The following F13A1 variants were observed in gnomAD, a reference collection of about 807,000 sequenced individuals.
F13A1 encodes the protein FSF, A subunit.
A neutral mutation model predicts 80.1 loss-of-function variants in F13A1; 47 were observed. The ratio of observed to expected loss-of-function variants is 0.59; its 90% CI spans 0.46 to 0.75. F13A1 has a LOEUF of 0.75. F13A1 is among the 30% of genes least tolerant of loss of function. The pLI is 0.00. For missense variants in F13A1, 817 were observed against 930.4 expected (o/e 0.88, Z 1.59); for synonymous variants, 349 against 344.9 (o/e 1.01, Z -0.13).
Position 6,151,971 on chromosome 6 carries a change from A to C in F13A1, c.1909-22T>G, listed in dbSNP as rs751792024. ...GGACCTAAGAGAGAGAATGCAGGTC[A>C]TTAGCACCAAATAAAACCTCGTTCT... On this transcript the variant is annotated intron_variant, in intron 13 of 14. Transcript: ENST00000264870. 2.6e-5 allele frequency: 42 copies of C among 1,613,576 alleles called. No homozygotes were observed. The South Asian group carries it at 4.5e-4, about 17-fold the overall frequency.
At chr6:6,283,496 G>A (rs895638127) in intron 3 of F13A1, among the ~76,000 whole-genome samples, 32 of 152,136 alleles carry the variant, frequency 2.1e-4, no homozygotes, top group African/African-American at 6.0e-4. Context: ...CAGGGATGAC[G>A]AGACATCAGA....
At chr6:6,173,650 C>T (rs1282462479) in intron 12 of F13A1, among the ~76,000 whole-genome samples, 8 of 152,232 alleles carry the variant, frequency 5.3e-5, no homozygotes, top group African/African-American at 1.4e-4. Flanking sequence ...TCAGGTGATC[C>T]GCTAACCTCA....
chr6:6,212,130 T>A (rs927790255), intron 8 of F13A1, among the ~76,000 whole-genome samples: 6 of 152,330 alleles, frequency 3.9e-5, no homozygotes, highest in South Asian at 2.1e-4. Flanking sequence ...CCAGGTTTGC[T>A]TAGGTAAACA....
intron 10 of F13A1, among the ~76,000 whole-genome samples, chr6:6,185,072 T>C (rs1365984159): frequency 6.6e-6 from 1 of 151,902 alleles, no homozygotes; most frequent in African/African-American, 2.4e-5. Context: ...TCAGAGTGTA[T>C]GGCAAGGATT....
intron 13 of F13A1, among the ~76,000 whole-genome samples, chr6:6,158,669 A>C (rs895168973): frequency 2.0e-5 from 3 of 152,166 alleles, no homozygotes; most frequent in Non-Finnish European, 4.4e-5. Flanking sequence ...GGAGCCACAG[A>C]GAGTGCAGGA....
intron 13 of F13A1, among the ~76,000 whole-genome samples, chr6:6,152,953 G>A (rs1374262826): frequency 2.6e-5 from 4 of 152,184 alleles, no homozygotes; most frequent in Admixed American, 2.6e-4. Context: ...AATGAAAAAT[G>A]CTCATAAAAC....
chr6:6,161,728 A>G lies in F13A1; in HGVS notation c.1908+5730T>C, dbSNP rs1760580061. On this transcript the variant is annotated intron_variant, in intron 13 of 14. Coordinates refer to ENST00000264870, the MANE Select transcript of F13A1 (RefSeq NM_000129.4). ...GTCTCTCTCTGCCTGTTTCCATGTGAGGATCACACACTCTGACTCACACAT... is the reference window on the plus strand; with the variant it reads ...GTCTCTCTCTGCCTGTTTCCATGTGGGGATCACACACTCTGACTCACACAT... Among the ~76,000 whole-genome samples the G allele has an allele frequency of 2.0e-5, 3 of 152,226 alleles. No individual in the cohort carries two copies. The South Asian group carries it at 6.2e-4, about 32-fold the overall frequency.
In F13A1 at chr6:6,174,781, T is replaced by C. The variant is rs776332995; in HGVS notation, c.1546A>G (p.Arg516Gly). Residue 516 changes from arginine (R) to glycine (G), a missense_variant, in exon 12 of 15, where the codon AGG becomes GGG. Arg to Gly is a moderately radical substitution (Grantham distance 125, BLOSUM62 -2). Transcript: ENST00000264870. The stretch of plus-strand genomic sequence containing the variant: ...TCAAAGTCCATGTCAACGTTGGACC[T>C]TGATTTCATGACACCTTCTGTGTTG... ...PLNTEGVMKS[R>G]SNVDMDFEVE... 2 of 1,614,206 alleles carry C rather than the reference T, an allele frequency of 1.2e-6. No individual in the cohort carries two copies. Among genetic ancestry groups the C allele is most frequent in the Admixed American group, 3.3e-5 (2 of 60,030 alleles).
At chr6:6,238,743 A>G (rs1374581639) in intron 6 of F13A1, among the ~76,000 whole-genome samples, 1 of 137,322 alleles carries the variant, frequency 7.3e-6, no homozygotes, top group Non-Finnish European at 1.5e-5. Flanking sequence ...TAGCCAATAA[A>G]TGTATTAAAA....
chr6:6,269,123 G>A (rs895275938), intron 3 of F13A1, among the ~76,000 whole-genome samples: 10 of 152,112 alleles, frequency 6.6e-5, no homozygotes, highest in African/African-American at 9.7e-5. Context: ...CGTTACTTGT[G>A]TTGATTGAGA....
chr6:6,318,061 G>C (rs1758710095), intron 2 of F13A1, among the ~76,000 whole-genome samples: 2 of 152,200 alleles, frequency 1.3e-5, no homozygotes, highest in South Asian at 4.1e-4. Flanking sequence ...ATTACTGTCA[G>C]AGTCTGGCAC....
intron 10 of F13A1, among the ~76,000 whole-genome samples, chr6:6,186,322 C>T (rs1268795183): frequency 4.6e-5 from 7 of 152,000 alleles, no homozygotes; most frequent in Non-Finnish European, 7.4e-5. Flanking sequence ...AATGGTAATG[C>T]CTAGGTTTTC....
chr6:6,230,952 C>A (rs1186715268), intron 6 of F13A1, among the ~76,000 whole-genome samples: 1 of 152,180 alleles, frequency 6.6e-6, no homozygotes, highest in Non-Finnish European at 1.5e-5. Flanking sequence ...GCCTTCAGCC[C>A]TAGACCTTCC....
chr6:6,218,852 G>C (rs960783233), intron 8 of F13A1, among the ~76,000 whole-genome samples: 2 of 152,140 alleles, frequency 1.3e-5, no homozygotes, highest in African/African-American at 4.8e-5. Context: ...AGTGTGGCGA[G>C]CAGAATACAC....
Position 6,266,579 on chromosome 6 carries a change from G to A in F13A1, c.550C>T (p.Leu184Phe). 4 of 1,614,236 alleles carry A rather than the reference G, an allele frequency of 2.5e-6. No individual in the cohort carries two copies. Among genetic ancestry groups the A allele is most frequent in the Non-Finnish European group, 3.4e-6 (4 of 1,180,038 alleles). Residue 184 changes from leucine (L) to phenylalanine (F), a missense_variant, in exon 4 of 15, where the codon CTC becomes TTC. By Grantham distance (22) the Leu-to-Phe change is conservative. Coordinates refer to ENST00000264870, the MANE Select transcript of F13A1 (RefSeq NM_000129.4). ...TTACCTTCACACCAAGGATTGAAGA[G>A]AATGTACGTGTCTGTTTCTGGGTTT... ...SRNPETDTYI[L>F]FNPWCEDDAV...
chr6:6,236,183 G>A (rs1757411290), intron 6 of F13A1, among the ~76,000 whole-genome samples: 1 of 152,090 alleles, frequency 6.6e-6, no homozygotes, highest in Non-Finnish European at 1.5e-5. Context: ...TTACAATAAG[G>A]AAACTTCTGG....
intron 11 of F13A1, among the ~76,000 whole-genome samples, chr6:6,175,402 C>G (rs1365787623): frequency 6.6e-6 from 1 of 152,184 alleles, no homozygotes; most frequent in Non-Finnish European, 1.5e-5. Context: ...CCCTTGAGGG[C>G]TCCTGCCCCG....
chr6:6,219,743 G>A (rs1019802793), intron 8 of F13A1, among the ~76,000 whole-genome samples: 2 of 152,174 alleles, frequency 1.3e-5, no homozygotes, highest in African/African-American at 4.8e-5. Context: ...TTGCACTGGT[G>A]AGGCCAAGTG....
intron 2 of F13A1, among the ~76,000 whole-genome samples, chr6:6,308,418 A>AT (rs1758542984): frequency 6.7e-6 from 1 of 149,218 alleles, no homozygotes; most frequent in Non-Finnish European, 1.5e-5. Context: ...TTGAAGTGTT[A>AT]TTTTCTGGAA....
Sources: gnomAD v4.1 joint callset for allele counts (sites outside exome capture counted in the v4.1 genomes callset) on GRCh38, gnomAD v4.1.1 for gene constraint, MANE v1.5 for transcripts, NCBI Gene and HGNC (gene_info 2026-07-23, HGNC 2026-07-21) for gene names.